Variants in CCDC91 observed in about 807,000 individuals in gnomAD.
The protein encoded by CCDC91 is coiled-coil domain containing 91.
In CCDC91, 48 loss-of-function variants were observed where a neutral mutation model predicts 63.2. The observed-to-expected ratio is 0.76, with a 90% confidence interval of 0.60 to 0.97. The LOEUF is 0.97. Among genes scored for constraint, CCDC91 ranks in the 50% least tolerant of loss-of-function variants. The probability of loss-of-function intolerance (pLI) is 0.00; values close to 1 mark genes in which losing one functional copy is unlikely to be tolerated. For synonymous variants in CCDC91, 167 were observed against 165.8 expected, an observed-to-expected ratio of 1.01 and a Z score of -0.06; for missense variants, 500 against 494.6, an observed-to-expected ratio of 1.01 and a Z score of -0.10.
chr12:28,287,150 T>C (rs2136694660), intron 3 of CCDC91, among the ~76,000 whole-genome samples: 1 of 152,338 alleles, frequency 6.6e-6, no homozygotes, highest in Admixed American at 6.5e-5. Context: ...TCTCCCATTC[T>C]GTAGATTGTC....
chr12:28,484,574 G>C (rs1951621341), intron 12 of CCDC91, among the ~76,000 whole-genome samples: 2 of 152,054 alleles, frequency 1.3e-5, no homozygotes, highest in South Asian at 2.1e-4. Flanking sequence ...CATAATTACA[G>C]TTAGCAAATT....
chr12:28,469,062 T>A (rs1191263911), intron 11 of CCDC91, among the ~76,000 whole-genome samples: 1 of 151,996 alleles, frequency 6.6e-6, no homozygotes, highest in Non-Finnish European at 1.5e-5. Flanking sequence ...CTCTTATTCA[T>A]CGTAGTACTG....
chr12:28,245,171 A>T (rs1258176853), intron 1 of CCDC91, among the ~76,000 whole-genome samples: 1 of 152,130 alleles, frequency 6.6e-6, no homozygotes, highest in Non-Finnish European at 1.5e-5. Flanking sequence ...TTTTCTGCTG[A>T]AATAATCTTA....
chr12:28,282,028 A>T (rs928913972), intron 3 of CCDC91, among the ~76,000 whole-genome samples: 5 of 152,208 alleles, frequency 3.3e-5, no homozygotes, highest in African/African-American at 1.2e-4. Flanking sequence ...TCTGAATATC[A>T]TAACTTAAAG....
At chr12:28,314,386 GAC>G (rs1939629068) in intron 6 of CCDC91, among the ~76,000 whole-genome samples, 1 of 151,934 alleles carries the variant, frequency 6.6e-6, no homozygotes, top group Non-Finnish European at 1.5e-5. Context: ...TCAGGTGTTG[GAC>G]ATTGGGCGCT....
chr12:28,367,006 T>C (rs1944319086), intron 7 of CCDC91, among the ~76,000 whole-genome samples: 1 of 152,090 alleles, frequency 6.6e-6, no homozygotes, highest in African/African-American at 2.4e-5. Context: ...TGGTGTCCTG[T>C]CAGAAGAAAT....
intron 8 of CCDC91, among the ~76,000 whole-genome samples, chr12:28,424,476 T>C (rs1479020964): frequency 1.3e-5 from 2 of 152,160 alleles, no homozygotes. Context: ...CTTAACATTT[T>C]CTAGTTTCTA....
chr12:28,485,305 C>T (rs879297482), intron 12 of CCDC91, among the ~76,000 whole-genome samples: 7 of 151,886 alleles, frequency 4.6e-5, no homozygotes, highest in Non-Finnish European at 1.0e-4. Flanking sequence ...ATTACAGGCG[C>T]CTGCCACCAT....
At chr12:28,209,453 T>C (rs1489958910) in intron 1 of CCDC91, among the ~76,000 whole-genome samples, 2 of 152,214 alleles carry the variant, frequency 1.3e-5, no homozygotes, top group East Asian at 3.9e-4. Context: ...CTTCTTCTTC[T>C]TATTTTTTTG....
intron 6 of CCDC91, among the ~76,000 whole-genome samples, chr12:28,310,638 A>G (rs956696828): frequency 1.3e-5 from 2 of 152,078 alleles, no homozygotes; most frequent in Admixed American, 1.3e-4. Context: ...AAGTTAAAGT[A>G]GGCATACTGT....
chr12:28,377,621 G>T (rs568430497), intron 7 of CCDC91, among the ~76,000 whole-genome samples: 27 of 151,640 alleles, frequency 1.8e-4, no homozygotes, highest in Non-Finnish European at 3.1e-4. Context: ...AAACCAGAAG[G>T]GTTTATTTTT....
At chr12:28,275,261 G>C (rs951897614) in intron 3 of CCDC91, among the ~76,000 whole-genome samples, 6 of 151,910 alleles carry the variant, frequency 3.9e-5, no homozygotes, top group Non-Finnish European at 7.4e-5. Flanking sequence ...GAATCAAATA[G>C]ATGCAATAAA....
At position 28,391,387 on chromosome 12, in the gene CCDC91, G is replaced by A. The variant is rs572972016; in HGVS notation, c.738G>A (p.Lys246=). The change falls in exon 8 of 13, where the codon AAG becomes AAA. Residue 246 remains lysine, a synonymous_variant. Transcript: ENST00000536442. ...YISAIEKQAH[K]CEELLNAQHQ... is the part of the protein sequence containing the mutation. ...CTGCAATTGAGAAACAGGCACACAAGTGTGAGGAGTTGCTAAATGCTCAGG... is the reference window on the plus strand; with the variant it reads ...CTGCAATTGAGAAACAGGCACACAAATGTGAGGAGTTGCTAAATGCTCAGG... 3.6e-5 allele frequency: 58 copies of A among 1,609,674 alleles called. No homozygotes were observed. The South Asian group carries it at 6.2e-4, about 17-fold the overall frequency.
intron 11 of CCDC91, among the ~76,000 whole-genome samples, chr12:28,453,093 T>C (rs1949894121): frequency 6.6e-6 from 1 of 151,936 alleles, no homozygotes; most frequent in Admixed American, 6.6e-5. Flanking sequence ...TCTATACCTA[T>C]AGTTGGTAAC....
intron 1 of CCDC91, among the ~76,000 whole-genome samples, chr12:28,209,001 T>C (rs1307935258): frequency 2.0e-5 from 3 of 151,168 alleles, no homozygotes; most frequent in Admixed American, 6.6e-5. Flanking sequence ...AGAGATGAGG[T>C]TTCACCATGT....
chr12:28,409,830 A>C (rs2139686115), intron 8 of CCDC91, among the ~76,000 whole-genome samples: 1 of 151,998 alleles, frequency 6.6e-6, no homozygotes, highest in East Asian at 1.9e-4. Context: ...TTAGTTTCTA[A>C]ATATGTCGGT....
intron 12 of CCDC91, among the ~76,000 whole-genome samples, chr12:28,504,408 C>T (rs554004077): frequency 6.6e-6 from 1 of 151,942 alleles, no homozygotes; most frequent in South Asian, 2.1e-4. Context: ...TATACCAGGA[C>T]CCTGAAATGG....
chr12:28,441,057 CAAAAAAAAA>C (rs60278449), intron 8 of CCDC91, among the ~76,000 whole-genome samples: 1 of 52,700 alleles, frequency 1.9e-5, no homozygotes, highest in East Asian at 1.0e-3. Context: ...GACTCCATCT[CAAAAAAAAA>C]AAAAAAAAAA....
At position 28,392,777 on chromosome 12, in the gene CCDC91, A is replaced by G. The variant is rs148363893; in HGVS notation, c.762+1366A>G. Among the ~76,000 whole-genome samples, 78 of 152,338 alleles carry G rather than the reference A, an allele frequency of 5.1e-4. 1 individual carries two copies. The highest frequency in any genetic ancestry group is 3.4e-3 in the Middle Eastern group (1 of 294). ...GCCATGGCCTCAAGCTCAAAAGTCC[A>G]GGAACTCTGGGAAAATAGGAGGGGA... On this transcript the variant is annotated intron_variant, in intron 8 of 12. Transcript: ENST00000536442.
Sources: allele counts gnomAD v4.1 joint callset (sites outside exome capture counted in the v4.1 genomes callset), GRCh38; gene constraint gnomAD v4.1.1; transcripts MANE v1.5; gene names NCBI Gene and HGNC (gene_info 2026-07-23, HGNC 2026-07-21).